TFDP1: variants seen among roughly 807,000 people sequenced by gnomAD.
TFDP1 encodes transcription factor Dp-1.
In TFDP1, 6 loss-of-function variants were observed where a neutral mutation model predicts 48.0. That is an observed-to-expected ratio of 0.13 (90% CI 0.07 to 0.25). The LOEUF is 0.25. TFDP1 is among the 10% of genes least tolerant of loss of function. TFDP1 has a pLI of 1.00. For missense variants in TFDP1, 335 were observed against 543.0 expected, an observed-to-expected ratio of 0.62 and a Z score of 3.81; for synonymous variants, 201 against 211.6, an observed-to-expected ratio of 0.95 and a Z score of 0.44.
intron 4 of TFDP1, among the ~76,000 whole-genome samples, chr13:113,628,951 C>T (rs964499978): frequency 7.9e-5 from 12 of 152,212 alleles, no homozygotes; most frequent in Admixed American, 2.6e-4. Context: ...CACAGGCGGC[C>T]GGCCCGAGTT....
chr13:113,627,307 G>A lies in TFDP1; in HGVS notation c.186+4021G>A, dbSNP rs893038432. ...CCTGTGGTGCTGCAGAGCTCAGCACGCGCACAGGAACGTGTGCGGGACAGA... is the reference window on the plus strand; with the variant it reads ...CCTGTGGTGCTGCAGAGCTCAGCACACGCACAGGAACGTGTGCGGGACAGA... On this transcript the variant is annotated intron_variant, in intron 4 of 11. Coordinates refer to ENST00000375370, the MANE Select transcript of TFDP1 (RefSeq NM_007111.5). The surrounding 1 kb of genome is among the most constrained non-coding windows in gnomAD (Gnocchi z 4.1). Among the ~76,000 whole-genome samples the A allele has an allele frequency of 6.6e-6, 1 of 152,162 alleles. No individual in the cohort carries two copies. The highest frequency in any genetic ancestry group is 2.4e-5 in the African/African-American group (1 of 41,422).
chr13:113,601,416 C>T (rs866825462), intron 2 of TFDP1, among the ~76,000 whole-genome samples: 2 of 96,812 alleles, frequency 2.1e-5, no homozygotes, highest in East Asian at 2.8e-4. Flanking sequence ...TGGGCCCCTG[C>T]GTAGGGCAGC....
intron 2 of TFDP1, among the ~76,000 whole-genome samples, chr13:113,592,208 T>C (rs1489904351): frequency 6.6e-6 from 1 of 152,236 alleles, no homozygotes; most frequent in Non-Finnish European, 1.5e-5. Flanking sequence ...CAGGCTGGAG[T>C]GCAATGGCAC....
chr13:113,633,426 A>G lies in TFDP1; in HGVS notation c.474+141A>G, dbSNP rs2049390431. On this transcript the variant is annotated intron_variant, in intron 6 of 11. Coordinates refer to ENST00000375370, the MANE Select transcript of TFDP1 (RefSeq NM_007111.5). The surrounding 1 kb of genome is among the most constrained non-coding windows in gnomAD (Gnocchi z 4.5). ...TAAAAGAATTTTTACCAAACGAGTCAGTAAGTGTGTGCCGGGGCCGAGAGG... is the reference window on the plus strand; with the variant it reads ...TAAAAGAATTTTTACCAAACGAGTCGGTAAGTGTGTGCCGGGGCCGAGAGG... The G allele has an allele frequency of 3.0e-6, 3 of 1,014,328 alleles. No homozygotes were observed. The highest frequency in any genetic ancestry group is 4.3e-6 in the Non-Finnish European group (3 of 694,568). The allele number at this position is 1,014,328 out of a possible 1,614,324, so 62.8% of individuals were successfully genotyped here.
At chr13:113,626,221 C>T (rs1280571535) in intron 4 of TFDP1, among the ~76,000 whole-genome samples, 1 of 152,184 alleles carries the variant, frequency 6.6e-6, no homozygotes, top group Non-Finnish European at 1.5e-5. Context: ...GGAGAGCTCT[C>T]TGTACTGAGC....
At chr13:113,613,892 T>A (rs2048782393) in intron 3 of TFDP1, among the ~76,000 whole-genome samples, 1 of 150,814 alleles carries the variant, frequency 6.6e-6, no homozygotes, top group African/African-American at 2.4e-5. Flanking sequence ...GATGTGAGTG[T>A]ACCTGTGAGT....
intron 3 of TFDP1, among the ~76,000 whole-genome samples, chr13:113,612,940 TC>T (rs1203803612): frequency 6.6e-6 from 1 of 152,218 alleles, no homozygotes; most frequent in Non-Finnish European, 1.5e-5. Context: ...GTCAGTTCTT[TC>T]CCTGGATCGC....
At chr13:113,594,964 T>G (rs1355200430) in intron 2 of TFDP1, among the ~76,000 whole-genome samples, 1 of 152,230 alleles carries the variant, frequency 6.6e-6, no homozygotes, top group Non-Finnish European at 1.5e-5. Flanking sequence ...TGGATTTCTA[T>G]TTAGCCGTGT....
At chr13:113,602,705 C>A (rs2048468637) in intron 2 of TFDP1, among the ~76,000 whole-genome samples, 1 of 152,132 alleles carries the variant, frequency 6.6e-6, no homozygotes, top group Non-Finnish European at 1.5e-5. Context: ...GACTGGGTGA[C>A]CCTCAAGCCT....
At chr13:113,590,438 G>T (rs527823871) in intron 2 of TFDP1, among the ~76,000 whole-genome samples, 85 of 152,328 alleles carry the variant, frequency 5.6e-4, no homozygotes, top group African/African-American at 2.0e-3. Flanking sequence ...GCCTGAAGAG[G>T]TGAACCTGAT....
intron 2 of TFDP1, among the ~76,000 whole-genome samples, chr13:113,610,556 A>G (rs1594459778): frequency 6.9e-6 from 1 of 144,372 alleles, no homozygotes; most frequent in Non-Finnish European, 1.5e-5. Context: ...TGGCTGTGCC[A>G]TCACACATGT....
chr13:113,632,707 G>A (rs2049369409), intron 5 of TFDP1, among the ~76,000 whole-genome samples: 1 of 152,228 alleles, frequency 6.6e-6, no homozygotes, highest in Non-Finnish European at 1.5e-5. Flanking sequence ...GAACCCAGGA[G>A]GTGGAGGTTG....
At position 113,623,091 on chromosome 13, in the gene TFDP1, G is replaced by C; in HGVS notation, c.80-89G>C. ...TGGGGAAAGCTAAGCATCTCTAATTGCAAGCACCGTCTTGCATTTAGAATG... is the reference window on the plus strand; with the variant it reads ...TGGGGAAAGCTAAGCATCTCTAATTCCAAGCACCGTCTTGCATTTAGAATG... On this transcript the variant is annotated intron_variant, in intron 3 of 11. Coordinates refer to ENST00000375370, the MANE Select transcript of TFDP1 (RefSeq NM_007111.5). The surrounding 1 kb of genome is among the most constrained non-coding windows in gnomAD (Gnocchi z 5.2). 5 of 1,180,978 alleles carry C rather than the reference G, an allele frequency of 4.2e-6. No individual in the cohort carries two copies. Among genetic ancestry groups the C allele is most frequent in the African/African-American group, 1.5e-5 (1 of 65,634 alleles). 73.2% of individuals were successfully genotyped at this position (1,180,978 alleles called of 1,614,324 possible).
intron 2 of TFDP1, among the ~76,000 whole-genome samples, chr13:113,589,876 G>A (rs2048098106): frequency 6.6e-6 from 1 of 152,204 alleles, no homozygotes; most frequent in Admixed American, 6.5e-5. Context: ...ACCCTTGGTG[G>A]GATCAGGCAG....
Position 113,611,003 on chromosome 13 carries a change from T to G in TFDP1, c.20T>G (p.Leu7Arg). 1 of 1,614,096 alleles carries G rather than the reference T, an allele frequency of 6.2e-7. No individual in the cohort carries two copies. The highest frequency in any genetic ancestry group is 2.2e-5 in the East Asian group (1 of 44,886). MAKDAGLIEANGELKVF... is the reference protein window; with the variant it reads MAKDAGRIEANGELKVF... ...TTTTGTTGCTTTCCGCAGGCCGGTC[T>G]AATTGAAGCCAACGGAGAACTCAAG... The change falls in exon 3 of 12, where the codon CTA becomes CGA. Residue 7 changes from leucine to arginine, a missense_variant. Leu to Arg is a moderately radical substitution (Grantham distance 102, BLOSUM62 -2). This residue lies in a region of TFDP1 where 103 missense variants were observed against 140.4 expected (regional missense o/e 0.73). Coordinates refer to ENST00000375370, the MANE Select transcript of TFDP1 (RefSeq NM_007111.5).
At chr13:113,634,803 A>ATGTG (rs142657527) in intron 8 of TFDP1, among the ~76,000 whole-genome samples, 9 of 150,854 alleles carry the variant, frequency 6.0e-5, no homozygotes, top group South Asian at 2.1e-4. Flanking sequence ...GTGTGCATGC[A>ATGTG]TGTGTGTGTG....
chr13:113,593,137 C>A (rs1268467332), intron 2 of TFDP1, among the ~76,000 whole-genome samples: 1 of 141,618 alleles, frequency 7.1e-6, no homozygotes, highest in African/African-American at 2.7e-5. Context: ...TCAGCCCTGC[C>A]CAGGTGACAG....
Position 113,634,564 on chromosome 13 carries a change from A to G in TFDP1, c.649A>G (p.Lys217Glu), listed in dbSNP as rs1322651993. The G allele has an allele frequency of 6.2e-7, 1 of 1,613,588 alleles. No homozygotes were observed. The highest frequency in any genetic ancestry group is 8.5e-7 in the Non-Finnish European group (1 of 1,179,864). Residue 217 changes from lysine (K) to glutamate (E), a missense_variant, in exon 8 of 12, where the codon AAA becomes GAA. This residue lies in a region of TFDP1 where 204 missense variants were observed against 287.1 expected (regional missense o/e 0.71). Transcript: ENST00000375370. The stretch of plus-strand genomic sequence containing the variant: ...AAGACAGAGGAGACTTGAAAGAATA[A>G]AACAGAAACAGTCTCAACTTCAAGA... ...VERQRRLERI[K>E]QKQSQLQELI...
rs146546392 is a variant in TFDP1, at chr13:113,631,702, C to T, written c.266C>T (p.Ala89Val). The change falls in exon 5 of 12, where the codon GCC becomes GTC. Residue 89 changes from alanine to valine, a missense_variant. By Grantham distance (64) the Ala-to-Val change is moderately conservative. Around this residue, in one of 3 missense-constraint regions of TFDP1, gnomAD observed 103 missense variants for 140.4 expected, o/e 0.73. Transcript: ENST00000375370. ...GSPHTPSTHFASQNQPSDSSP... is the reference protein window; with the variant it reads ...GSPHTPSTHFVSQNQPSDSSP... ...CCACACACCCCCAGCACTCACTTTG[C>T]CTCTCAGAACCAGCCTTCCGACTCC... The T allele has an allele frequency of 1.1e-5, 18 of 1,614,046 alleles. No individual in the cohort carries two copies. Among genetic ancestry groups the T allele is most frequent in the Non-Finnish European group, 1.5e-5 (18 of 1,180,018 alleles).
Sources: gnomAD v4.1 joint callset for allele counts (sites outside exome capture counted in the v4.1 genomes callset) on GRCh38, gnomAD v4.1.1 for gene constraint, gnomAD v4.1.1 regional missense constraint, Gnocchi (gnomAD v3.1) non-coding constraint, MANE v1.5 for transcripts, NCBI Gene and HGNC (gene_info 2026-07-23, HGNC 2026-07-21) for gene names.